HEATR5A: variants seen among roughly 807,000 people sequenced by gnomAD.
The protein encoded by HEATR5A is HEAT repeat containing 5A.
In HEATR5A, 178 loss-of-function variants were observed where a neutral mutation model predicts 218.8. The ratio of observed to expected loss-of-function variants is 0.81; its 90% confidence interval spans 0.72 to 0.92. The LOEUF (loss-of-function observed/expected upper bound fraction) is 0.92, where lower values mean the gene tolerates loss of function less well. Ranked by LOEUF, HEATR5A falls within the 40% of genes least tolerant of loss-of-function variation. HEATR5A has a pLI of 0.00. For missense variants in HEATR5A, 2,420 were observed against 2,418.9 expected (o/e 1.00, Z -0.01); for synonymous variants, 864 against 871.6 (o/e 0.99, Z 0.15).
At chr14:31,348,582 C>T (rs779095400) in intron 18 of HEATR5A, among the ~76,000 whole-genome samples, 1 of 151,984 alleles carries the variant, frequency 6.6e-6, no homozygotes, top group Non-Finnish European at 1.5e-5. Flanking sequence ...GACGTTGTAT[C>T]GAAAATAAAT....
At position 31,307,735 on chromosome 14, in the gene HEATR5A, T is replaced by C. The variant is rs1245128756; in HGVS notation, c.4818+158A>G. Reference sequence around the variant, plus strand: ...ATGATTGTTTTTGGGTCAACACATATGCTTATGGCATTCTGGTTCCAAGGC... The same window carrying C: ...ATGATTGTTTTTGGGTCAACACATACGCTTATGGCATTCTGGTTCCAAGGC... On this transcript the variant is annotated intron_variant, in intron 30 of 35. Coordinates refer to ENST00000543095, the MANE Select transcript of HEATR5A (RefSeq NM_015473.4). Among the ~76,000 whole-genome samples the C allele has an allele frequency of 1.3e-5, 2 of 152,190 alleles. 1 individual carries two copies. Among genetic ancestry groups the C allele is most frequent in the African/African-American group, 4.8e-5 (2 of 41,450 alleles).
At chr14:31,317,743 T>C (rs1899959934) in intron 26 of HEATR5A, among the ~76,000 whole-genome samples, 1 of 152,230 alleles carries the variant, frequency 6.6e-6, no homozygotes, top group Non-Finnish European at 1.5e-5. Flanking sequence ...CTTTTTATTG[T>C]ATCGTATAGA....
Position 31,321,707 on chromosome 14 carries a change from G to C in HEATR5A, c.3788-27C>G, listed in dbSNP as rs371633565. On this transcript the variant is annotated intron_variant, in intron 24 of 35. Transcript: ENST00000543095. ...TATAAGATTAAAAAACATATTGGGA[G>C]AAAAAAAGATTAGAAAATATCAAAA... The C allele has an allele frequency of 1.8e-5, 27 of 1,476,240 alleles. No individual in the cohort carries two copies. The African/African-American group carries it at 3.9e-4, about 21-fold the overall frequency. The allele number at this position is 1,476,240 out of a possible 1,614,324, so 91.4% of individuals were successfully genotyped here. A position where few individuals can be genotyped will look rare whatever the true frequency, so the allele number is the denominator to read the frequency against.
At chr14:31,325,381 A>C (rs1249909563) in intron 23 of HEATR5A, among the ~76,000 whole-genome samples, 1 of 152,178 alleles carries the variant, frequency 6.6e-6, no homozygotes, top group Non-Finnish European at 1.5e-5. Context: ...TATTGTATGT[A>C]GTGAAACTGG....
At chr14:31,407,584 TTATATATATATA>T (rs1039144242) in intron 1 of HEATR5A, among the ~76,000 whole-genome samples, 2 of 1,330 alleles carry the variant, frequency 1.5e-3, no homozygotes, top group African/African-American at 1.9e-3. Context: ...CTTATTTTAT[TTATATATATATA>T]TATATATATA....
intron 31 of HEATR5A, among the ~76,000 whole-genome samples, chr14:31,306,119 C>A (rs1899547682): frequency 6.6e-6 from 1 of 152,088 alleles, no homozygotes; most frequent in Non-Finnish European, 1.5e-5. Flanking sequence ...TCATTTCACC[C>A]AGAGAATAGT....
chr14:31,398,625 A>T (rs1268975005), intron 4 of HEATR5A, 48 bp downstream of exon 4: 2 of 1,011,120 alleles, frequency 2.0e-6, no homozygotes, highest in Admixed American at 4.2e-5. Flanking sequence ...AGCATAAACC[A>T]ATAAAATGCT....
chr14:31,313,621 T>G, intron 27 of HEATR5A, among the ~76,000 whole-genome samples: 1 of 152,320 alleles, frequency 6.6e-6, no homozygotes, highest in South Asian at 2.1e-4. Flanking sequence ...ATATGGATTA[T>G]AGAATGTTAA....
chr14:31,293,341 T>C lies in HEATR5A; in HGVS notation c.6105A>G (p.Lys2035=), dbSNP rs1566743097. Residue 2035 remains lysine, a synonymous_variant, in exon 36 of 36, where the codon AAA becomes AAG. Coordinates refer to ENST00000543095, the MANE Select transcript of HEATR5A (RefSeq NM_015473.4). The part of the protein sequence containing the change: ...PTSKYTKSPG[K]NSSIQLKTSF... ...TGGTCTTTAATTGGATGCTTGAGTT[T>C]TTTCCAGGACTCTTAGTATATTTAG... 1.9e-6 allele frequency: 3 copies of C among 1,596,652 alleles called. No homozygotes were observed. Among genetic ancestry groups the C allele is most frequent in the Non-Finnish European group, 2.6e-6 (3 of 1,175,134 alleles).
At chr14:31,372,155 G>A (rs1040470504) in intron 12 of HEATR5A, among the ~76,000 whole-genome samples, 2 of 144,900 alleles carry the variant, frequency 1.4e-5, no homozygotes, top group African/African-American at 5.2e-5. Flanking sequence ...AAATGCTGCT[G>A]TTCTAGGGTT....
intron 16 of HEATR5A, among the ~76,000 whole-genome samples, chr14:31,352,681 G>A (rs1050939564): frequency 6.6e-6 from 1 of 152,160 alleles, no homozygotes; most frequent in Non-Finnish European, 1.5e-5. Flanking sequence ...ATAAAGGCCA[G>A]GCGCAATGGC....
At chr14:31,310,159 T>TG (rs1566749173) in intron 28 of HEATR5A, among the ~76,000 whole-genome samples, 2 of 152,124 alleles carry the variant, frequency 1.3e-5, no homozygotes, top group Admixed American at 6.6e-5. Context: ...CTATTTTTTT[T>TG]TGTGTTTAAA....
At chr14:31,386,740 TAAAG>T (rs2030240060) in intron 8 of HEATR5A, among the ~76,000 whole-genome samples, 165 bp from the exon 9 acceptor site, 1 of 152,164 alleles carries the variant, frequency 6.6e-6, no homozygotes, top group Admixed American at 6.6e-5. Context: ...CTTGCATCAA[TAAAG>T]AGAGAAATGA....
intron 1 of HEATR5A, among the ~76,000 whole-genome samples, chr14:31,418,741 G>A (rs980234392): frequency 9.2e-5 from 14 of 152,106 alleles, no homozygotes; most frequent in Admixed American, 8.5e-4. Context: ...AACCACACAA[G>A]ACTCAATAGA....
intron 30 of HEATR5A, 43 bp downstream of exon 30, chr14:31,307,850 A>G (rs1899604238): frequency 1.3e-6 from 2 of 1,584,164 alleles, no homozygotes; most frequent in Middle Eastern, 1.7e-4. Context: ...TCTCTTCCTT[A>G]AAGACTACAG....
chr14:31,313,115 T>TCATGTTCTAA lies in HEATR5A; in HGVS notation c.4293_4294insTTAGAACATG (p.Ile1432LeufsTer16). 1.9e-6 allele frequency: 3 copies of TCATGTTCTAA among 1,613,934 alleles called. No homozygotes were observed. The highest frequency in any genetic ancestry group is 2.5e-6 in the Non-Finnish European group (3 of 1,179,822). ...TCTGATGAACATGATCCATTTCTGATACCGTCTTCTAAACAGGTGGTAGTC... is the reference window on the plus strand; with the variant it reads ...TCTGATGAACATGATCCATTTCTGATCATGTTCTAAACCGTCTTCTAAACAGGTGGTAGTC... On this transcript the variant is annotated frameshift_variant, in exon 28 of 36. Coordinates refer to ENST00000543095, the MANE Select transcript of HEATR5A (RefSeq NM_015473.4). LOFTEE classifies it high-confidence loss of function.
At chr14:31,409,100 T>C (rs2031187421) in intron 1 of HEATR5A, among the ~76,000 whole-genome samples, 1 of 128,492 alleles carries the variant, frequency 7.8e-6, no homozygotes, top group African/African-American at 2.8e-5. Context: ...CAGGCTGGAG[T>C]GCAATGGCAC....
chr14:31,328,555 G>C (rs1027500889), intron 22 of HEATR5A, among the ~76,000 whole-genome samples: 29 of 152,072 alleles, frequency 1.9e-4, no homozygotes, highest in African/African-American at 5.6e-4. Flanking sequence ...CTGCTATAAA[G>C]ACATACCCAA....
At chr14:31,344,521 G>A (rs1237740080) in intron 20 of HEATR5A, among the ~76,000 whole-genome samples, 2 of 151,680 alleles carry the variant, frequency 1.3e-5, no homozygotes, top group South Asian at 4.2e-4. Flanking sequence ...CCGATTCAGT[G>A]ATCCACCTGC....
Sources: allele counts gnomAD v4.1 joint callset (sites outside exome capture counted in the v4.1 genomes callset), GRCh38; gene constraint gnomAD v4.1.1; transcripts MANE v1.5; gene names NCBI Gene and HGNC (gene_info 2026-07-23, HGNC 2026-07-21).